Variants in ZKSCAN5 observed in about 807,000 individuals in gnomAD.
ZKSCAN5 encodes zinc finger with KRAB and SCAN domains 5.
In ZKSCAN5, 28 loss-of-function variants were observed where a neutral mutation model predicts 60.0. The ratio of observed to expected loss-of-function variants is 0.47; its 90% CI spans 0.35 to 0.64. ZKSCAN5 has a LOEUF of 0.64. ZKSCAN5 is among the 30% of genes least tolerant of loss of function. The pLI, the probability that ZKSCAN5 is intolerant of heterozygous loss-of-function variation, is 0.01. For synonymous variants in ZKSCAN5, 361 were observed against 371.2 expected (o/e 0.97, Z 0.31); for missense variants, 881 against 1,034.6 (o/e 0.85, Z 2.04).
At chr7:99,531,075 A>C (rs1031783486) in intron 6 of ZKSCAN5, 33 bp from the exon 7 acceptor site, 1 of 1,528,266 alleles carries the variant, frequency 6.5e-7, no homozygotes, top group African/African-American at 1.4e-5. Context: ...AAAAGAACTG[A>C]TGACATTTTC....
rs1801472270 is a variant in ZKSCAN5 at position 99,520,284 on chromosome 7, A to G, written c.752A>G (p.Tyr251Cys). ...TATAGGGATGACAGGAAGGAGAACT[A>G]TGGGAGTATTACTTCCATGGGTAAG... Reference protein sequence around the residue: ...SLYRDDRKENYGSITSMGYES... With the variant: ...SLYRDDRKENCGSITSMGYES... Residue 251 changes from tyrosine to cysteine, a missense_variant, in exon 5 of 7, where the codon TAT becomes TGT. Tyr to Cys is a radical substitution (Grantham distance 194, BLOSUM62 -2). This residue lies in a region of ZKSCAN5 where 490 missense variants were observed against 554.5 expected (regional missense o/e 0.88). Transcript: ENST00000326775. 6.2e-7 allele frequency: 1 copy of G among 1,613,658 alleles called. No homozygotes were observed. The highest frequency in any genetic ancestry group is 1.7e-5 in the Admixed American group (1 of 59,838).
rs745982319 is a variant in ZKSCAN5 at position 99,531,756 on chromosome 7, T to C, written c.2027T>C (p.Leu676Pro). The change falls in exon 7 of 7, where the codon CTA becomes CCA. Residue 676 changes from leucine (L) to proline (P), a missense_variant. This residue lies in a region of ZKSCAN5 where 112 missense variants were observed against 182.4 expected (regional missense o/e 0.61). Transcript: ENST00000326775. ...CGEIFFQYVS[L>P]IEHQVLHMGQ... Reference sequence around the variant, plus strand: ...GAAATCTTTTTTCAGTACGTTAGCCTAATTGAACATCAGGTGCTCCACATG... The same window carrying C: ...GAAATCTTTTTTCAGTACGTTAGCCCAATTGAACATCAGGTGCTCCACATG... 6.2e-7 allele frequency: 1 copy of C among 1,613,992 alleles called. No homozygotes were observed.
Position 99,531,939 on chromosome 7 carries a change from G to T in ZKSCAN5, c.2210G>T (p.Arg737Ile). Residue 737 changes from arginine (R) to isoleucine (I), a missense_variant, in exon 7 of 7, where the codon AGA becomes ATA. Coordinates refer to ENST00000326775, the MANE Select transcript of ZKSCAN5 (RefSeq NM_145102.4). ...AGCTCAGACCTCATTCAGCATTACA[G>T]AACTCATACAGCAGAGAAGCCCTAT... ...GYSSDLIQHY[R>I]THTAEKPYQC... is the part of the protein sequence containing the mutation. The T allele has an allele frequency of 6.2e-7, 1 of 1,614,172 alleles. No individual in the cohort carries two copies. Among genetic ancestry groups the T allele is most frequent in the Non-Finnish European group, 8.5e-7 (1 of 1,180,032 alleles).
At chr7:99,505,829 G>C in intron 1 of ZKSCAN5, 176 bp from the exon 2 acceptor site, 1 of 475,526 alleles carries the variant, frequency 2.1e-6, no homozygotes, top group Non-Finnish European at 3.8e-6. Flanking sequence ...TGAAGTGATG[G>C]CTACCTTGTA....
Position 99,533,729 on chromosome 7 carries a change from C to T in ZKSCAN5, c.*1480C>T. On this transcript the variant is annotated 3_prime_UTR_variant, in exon 7 of 7. Transcript: ENST00000326775. ...TGGATCAGGCCAAGCTAGACTTTTT[C>T]TGAGCCTTCATCCGTGCTAAGCTCT... The T allele has an allele frequency of 2.5e-6, 1 of 398,648 alleles. No homozygotes were observed. Among genetic ancestry groups the T allele is most frequent in the Non-Finnish European group, 4.4e-6 (1 of 226,342 alleles). The allele number at this position is 398,648 out of a possible 1,614,324, so 24.7% of individuals were successfully genotyped here.
intron 2 of ZKSCAN5, among the ~76,000 whole-genome samples, chr7:99,510,979 A>G (rs944266779): frequency 6.6e-6 from 1 of 152,118 alleles, no homozygotes; most frequent in Non-Finnish European, 1.5e-5. Flanking sequence ...CCTGAGCTCA[A>G]GTCATCCACC....
chr7:99,517,279 G>A (rs1374977067), intron 3 of ZKSCAN5, among the ~76,000 whole-genome samples: 2 of 152,078 alleles, frequency 1.3e-5, no homozygotes, highest in Non-Finnish European at 2.9e-5. Flanking sequence ...GGTCAGGCTG[G>A]TCTTGTACTC....
In ZKSCAN5 at chr7:99,531,419, C is replaced by T. The variant is rs757136238; in HGVS notation, c.1690C>T (p.Leu564Phe). The T allele has an allele frequency of 1.9e-6, 3 of 1,614,088 alleles. No individual in the cohort carries two copies. In the African/African-American group the frequency reaches 4.0e-5, roughly 22 times the overall value. The stretch of plus-strand genomic sequence containing the variant: ...GAAAAGCTTCATTCAGAGTGCACAT[C>T]TTATTCAACATCAAAGAATACACAC... ...CGKSFIQSAH[L>F]IQHQRIHTGE... is the part of the protein sequence containing the mutation. Residue 564 changes from leucine (L) to phenylalanine (F), a missense_variant, in exon 7 of 7, where the codon CTT (leucine) becomes TTT (phenylalanine). Leu to Phe is a conservative substitution (Grantham distance 22). Coordinates refer to ENST00000326775, the MANE Select transcript of ZKSCAN5 (RefSeq NM_145102.4).
At chr7:99,505,342 T>C (rs1800671279) in intron 1 of ZKSCAN5, 1 of 151,754 alleles carries the variant, frequency 6.6e-6, no homozygotes, top group South Asian at 2.1e-4. Flanking sequence ...CAGCCTCGGC[T>C]GCGGGGAGCT....
At chr7:99,513,750 G>A (rs1415507304) in intron 3 of ZKSCAN5, 8 of 352,326 alleles carry the variant, frequency 2.3e-5, no homozygotes, top group Admixed American at 9.4e-5. Context: ...AAACAAGGCC[G>A]GGCTCAGTGG....
intron 2 of ZKSCAN5, among the ~76,000 whole-genome samples, chr7:99,508,618 A>G (rs1420297721): frequency 5.9e-5 from 9 of 151,570 alleles, no homozygotes; most frequent in East Asian, 2.0e-4. Flanking sequence ...GTGTGGTGGC[A>G]TGCACCTGTA....
At chr7:99,518,043 A>G (rs1364287277) in intron 3 of ZKSCAN5, among the ~76,000 whole-genome samples, 5 of 152,118 alleles carry the variant, frequency 3.3e-5, no homozygotes, top group Admixed American at 2.6e-4. Flanking sequence ...GAAACTAACC[A>G]TGGAAATTCT....
rs2151119690 is a variant in ZKSCAN5, at chr7:99,531,346, C to T, written c.1617C>T (p.His539=). ...RMNYSEVPYV[H]KKSSTGERPH... ...ACTACAGTGAAGTCCCATATGTCCA[C>T]AAAAAATCCTCCACTGGAGAGAGAC... The change falls in exon 7 of 7, where the codon CAC becomes CAT. Residue 539 remains histidine, a synonymous_variant. Transcript: ENST00000326775. The T allele has an allele frequency of 6.2e-7, 1 of 1,614,086 alleles. No homozygotes were observed. The highest frequency in any genetic ancestry group is 2.2e-5 in the East Asian group (1 of 44,890).
intron 5 of ZKSCAN5, among the ~76,000 whole-genome samples, chr7:99,522,700 T>C (rs548165620): frequency 6.6e-6 from 1 of 151,920 alleles, no homozygotes; most frequent in African/African-American, 2.4e-5. Flanking sequence ...TTGGCCAAGC[T>C]GGTCTCAAAC....
At chr7:99,512,724 G>A (rs975235205) in intron 3 of ZKSCAN5, 133 bp downstream of exon 3, 5 of 1,172,164 alleles carry the variant, frequency 4.3e-6, no homozygotes, top group Admixed American at 7.0e-5. Context: ...TAGAAGCAGG[G>A]AAAGGCCAGG....
chr7:99,517,750 G>A (rs1801329135), intron 3 of ZKSCAN5, among the ~76,000 whole-genome samples: 1 of 152,110 alleles, frequency 6.6e-6, no homozygotes, highest in Non-Finnish European at 1.5e-5. Context: ...GGGAGGCTGA[G>A]GCAGGAGAAT....
At chr7:99,507,120 T>C (rs1023162953) in intron 2 of ZKSCAN5, among the ~76,000 whole-genome samples, 1 of 152,206 alleles carries the variant, frequency 6.6e-6, no homozygotes, top group Non-Finnish European at 1.5e-5. Flanking sequence ...TGTGTATTCT[T>C]ACAGAGCTGT....
chr7:99,532,027 C>A lies in ZKSCAN5; in HGVS notation c.2298C>A (p.Ile766=). 1 of 1,614,208 alleles carries A rather than the reference C, an allele frequency of 6.2e-7. No homozygotes were observed. The highest frequency in any genetic ancestry group is 8.5e-7 in the Non-Finnish European group (1 of 1,180,050). ...QCSHTKQHQK[I]YSSTKSHQCH... The stretch of plus-strand genomic sequence containing the variant: ...CCCACACCAAACAACATCAAAAAAT[C>A]TACTCCAGCACAAAATCCCATCAAT... The change falls in exon 7 of 7, where the codon ATC becomes ATA. Residue 766 remains isoleucine (I), a synonymous_variant. Coordinates refer to ENST00000326775, the MANE Select transcript of ZKSCAN5 (RefSeq NM_145102.4).
chr7:99,508,322 T>C (rs574563044), intron 2 of ZKSCAN5, among the ~76,000 whole-genome samples: 14 of 151,932 alleles, frequency 9.2e-5, no homozygotes, highest in African/African-American at 3.1e-4. Flanking sequence ...ATTTGTAATT[T>C]TGATAGCTGT....
Sources: gnomAD v4.1 joint callset for allele counts (sites outside exome capture counted in the v4.1 genomes callset) on GRCh38, gnomAD v4.1.1 for gene constraint, gnomAD v4.1.1 regional missense constraint, MANE v1.5 for transcripts, NCBI Gene and HGNC (gene_info 2026-07-23, HGNC 2026-07-21) for gene names.